Variants in FOCAD observed in about 807,000 individuals in gnomAD.
FOCAD encodes the protein focadhesin, also known as KIAA1797.
A neutral mutation model predicts 225.6 loss-of-function variants in FOCAD; 198 were observed. The ratio of observed to expected loss-of-function variants is 0.88; its 90% CI spans 0.78 to 0.99. The LOEUF is 0.99. Among genes scored for constraint, FOCAD ranks in the 50% least tolerant of loss-of-function variants. FOCAD has a pLI of 0.00. For synonymous variants in FOCAD, 897 were observed against 755.0 expected, an observed-to-expected ratio of 1.19 and a Z score of -3.08; for missense variants, 2,713 against 2,123.6, an observed-to-expected ratio of 1.28 and a Z score of -5.46.
chr9:20,761,729 A>T (rs1563958001), intron 6 of FOCAD, among the ~76,000 whole-genome samples: 14 of 151,826 alleles, frequency 9.2e-5, no homozygotes. Context: ...CCAAGCCTCC[A>T]TTTTTTTACT....
chr9:20,867,426 T>G (rs1474523763), intron 18 of FOCAD, among the ~76,000 whole-genome samples: 1 of 152,018 alleles, frequency 6.6e-6, no homozygotes, highest in Non-Finnish European at 1.5e-5. Flanking sequence ...TTTTTTTTAG[T>G]ATCTGTGAAT....
At chr9:20,872,297 A>G (rs1829851015) in intron 18 of FOCAD, among the ~76,000 whole-genome samples, 1 of 152,186 alleles carries the variant, frequency 6.6e-6, no homozygotes, top group Non-Finnish European at 1.5e-5. Flanking sequence ...TTGATGACCC[A>G]GGTGCAGTGA....
chr9:20,730,138 T>C (rs1826558015), intron 4 of FOCAD, among the ~76,000 whole-genome samples: 1 of 152,202 alleles, frequency 6.6e-6, no homozygotes, highest in African/African-American at 2.4e-5. Flanking sequence ...GGAGACTTTT[T>C]CTTAGGTGGG....
At chr9:20,968,684 C>G (rs1312478901) in intron 35 of FOCAD, among the ~76,000 whole-genome samples, 1 of 151,854 alleles carries the variant, frequency 6.6e-6, no homozygotes, top group Non-Finnish European at 1.5e-5. Context: ...GGTGATCTGC[C>G]CACCTCGGCC....
intron 15 of FOCAD, among the ~76,000 whole-genome samples, chr9:20,838,641 C>A (rs1826221708): frequency 6.6e-6 from 1 of 152,040 alleles, no homozygotes; most frequent in African/African-American, 2.4e-5. Flanking sequence ...ATGTTATGGA[C>A]TTCATAGAAA....
chr9:20,661,938 A>G (rs944308679), intron 2 of FOCAD, among the ~76,000 whole-genome samples: 2 of 152,228 alleles, frequency 1.3e-5, no homozygotes, highest in African/African-American at 2.4e-5. Flanking sequence ...AATTCTTTAT[A>G]TATTGACATG....
chr9:20,843,759 A>G (rs1289768038), intron 15 of FOCAD, among the ~76,000 whole-genome samples: 2 of 152,118 alleles, frequency 1.3e-5, no homozygotes, highest in African/African-American at 4.8e-5. Flanking sequence ...TAGTTCATGT[A>G]TACAGCATGT....
intron 5 of FOCAD, among the ~76,000 whole-genome samples, chr9:20,747,826 T>A (rs1477192889): frequency 1.3e-5 from 2 of 151,600 alleles, no homozygotes; most frequent in African/African-American, 4.8e-5. Flanking sequence ...TTTAGTGTTT[T>A]TTTTTTTTTG....
chr9:20,966,100 G>A (rs556862078), intron 35 of FOCAD, among the ~76,000 whole-genome samples: 2 of 152,094 alleles, frequency 1.3e-5, no homozygotes, highest in Non-Finnish European at 2.9e-5. Flanking sequence ...ACTTTTTGAG[G>A]AACTACCAAA....
At chr9:20,799,584 C>G (rs551849856) in intron 11 of FOCAD, among the ~76,000 whole-genome samples, 1 of 152,214 alleles carries the variant, frequency 6.6e-6, no homozygotes, top group East Asian at 1.9e-4. Context: ...TTGAATTGAT[C>G]CCTTTACCAT....
intron 4 of FOCAD, among the ~76,000 whole-genome samples, chr9:20,725,164 T>A (rs1411050048): frequency 6.6e-6 from 1 of 152,210 alleles, no homozygotes; most frequent in Non-Finnish European, 1.5e-5. Flanking sequence ...AGAGTGAGAC[T>A]CCGTCTCAAT....
intron 25 of FOCAD, among the ~76,000 whole-genome samples, chr9:20,925,762 A>C (rs116354350): frequency 0.019 from 2,881 of 152,070 alleles, 95 homozygotes; most frequent in African/African-American, 0.065. Flanking sequence ...TTCTTTTTCA[A>C]ACTGAAGATG....
At chr9:20,667,006 T>C (rs1821917722) in intron 2 of FOCAD, among the ~76,000 whole-genome samples, 1 of 152,224 alleles carries the variant, frequency 6.6e-6, no homozygotes, top group African/African-American at 2.4e-5. Context: ...TTGCATCTTT[T>C]CATTAGGAAA....
intron 27 of FOCAD, among the ~76,000 whole-genome samples, chr9:20,932,344 T>C (rs560178773): frequency 2.1e-4 from 32 of 152,194 alleles, no homozygotes; most frequent in Non-Finnish European, 3.2e-4. Context: ...ATATGAGAGT[T>C]AAGACGTAGG....
At chr9:20,771,562 C>T (rs1425559475) in intron 8 of FOCAD, among the ~76,000 whole-genome samples, 2 of 152,118 alleles carry the variant, frequency 1.3e-5, no homozygotes, top group Non-Finnish European at 2.9e-5. Flanking sequence ...AGTTCGAGAG[C>T]AGCCTGACCA....
intron 14 of FOCAD, among the ~76,000 whole-genome samples, chr9:20,822,727 G>A (rs1039974951): frequency 6.6e-6 from 1 of 151,808 alleles, no homozygotes; most frequent in Non-Finnish European, 1.5e-5. Flanking sequence ...TCAGACAATA[G>A]GATTTGTGAT....
At chr9:20,720,562 TAATGATTTAAGTTTTTAGGAAAA>T (rs1825695650) in intron 4 of FOCAD, 28 bp downstream of exon 4, 1 of 1,602,384 alleles carries the variant, frequency 6.2e-7, no homozygotes, top group African/African-American at 1.3e-5. Context: ...TTTGGTCAGT[TAATGATTTAAGTTTTTAGGAAAA>T]AAATTCACTA....
intron 35 of FOCAD, among the ~76,000 whole-genome samples, chr9:20,961,285 C>A (rs1037467690): frequency 2.0e-5 from 3 of 151,514 alleles, no homozygotes; most frequent in South Asian, 2.1e-4. Flanking sequence ...TTATTTTGAT[C>A]TTTAACTTGT....
intron 35 of FOCAD, among the ~76,000 whole-genome samples, chr9:20,955,282 T>G (rs1838033523): frequency 6.6e-6 from 1 of 152,150 alleles, no homozygotes; most frequent in Non-Finnish European, 1.5e-5. Context: ...AGGATGAGTT[T>G]GGGCATGGTG....
Sources: gnomAD v4.1 joint callset for allele counts (sites outside exome capture counted in the v4.1 genomes callset) on GRCh38, gnomAD v4.1.1 for gene constraint, MANE v1.5 for transcripts, NCBI Gene and HGNC (gene_info 2026-07-23, HGNC 2026-07-21) for gene names.